SRGAP2: variants seen among roughly 807,000 people sequenced by gnomAD.
SRGAP2 encodes the protein SLIT-ROBO Rho GTPase-activating protein 2.
A neutral mutation model predicts 57.2 loss-of-function variants in SRGAP2; 15 were observed. That is an observed-to-expected ratio of 0.26 (90% CI 0.18 to 0.40). The LOEUF is 0.40. Ranked by LOEUF, SRGAP2 falls within the 10% of genes least tolerant of loss-of-function variation. SRGAP2 has a pLI of 1.00. For missense variants in SRGAP2, 520 were observed against 669.6 expected, an observed-to-expected ratio of 0.78 and a Z score of 2.47; for synonymous variants, 249 against 248.0, an observed-to-expected ratio of 1.00 and a Z score of -0.04.
chr1:206,375,996 A>G (rs1164423514), intron 4 of SRGAP2, among the ~76,000 whole-genome samples: 7 of 149,654 alleles, frequency 4.7e-5, no homozygotes, highest in African/African-American at 1.7e-4. Flanking sequence ...CCAGAACTTG[A>G]TGGGTGGTTT....
intron 2 of SRGAP2, among the ~76,000 whole-genome samples, chr1:206,217,491 T>G (rs1294981931): frequency 1.3e-5 from 2 of 152,052 alleles, no homozygotes; most frequent in Middle Eastern, 3.2e-3. Context: ...ATCCCTAGTT[T>G]CCCTATAAAA....
At chr1:206,354,233 G>A (rs1426419254) in intron 4 of SRGAP2, among the ~76,000 whole-genome samples, 5 of 151,994 alleles carry the variant, frequency 3.3e-5, no homozygotes, top group Admixed American at 6.6e-5. Flanking sequence ...AGAAACTCTA[G>A]GTGTACTTAT....
chr1:206,401,251 T>A (rs562482316), intron 7 of SRGAP2, among the ~76,000 whole-genome samples, 170 bp from the exon 8 acceptor site: 18 of 152,002 alleles, frequency 1.2e-4, no homozygotes, highest in Non-Finnish European at 2.4e-4. Context: ...GAATTGGGAG[T>A]CAAGAACTGA....
At chr1:206,210,620 A>G (rs1558220455) in intron 2 of SRGAP2, among the ~76,000 whole-genome samples, 1 of 150,032 alleles carries the variant, frequency 6.7e-6, no homozygotes, top group African/African-American at 2.5e-5. Context: ...ATACTTGGGA[A>G]TGTTGATGGC....
At position 206,426,135 on chromosome 1, in the gene SRGAP2, A is replaced by C. The variant is rs549287501; in HGVS notation, c.1495-4027A>C. Among the ~76,000 whole-genome samples, 10 of 151,866 alleles carry C rather than the reference A, an allele frequency of 6.6e-5. No homozygotes were observed. The East Asian group carries it at 1.9e-3, about 29-fold the overall frequency. ...ACTTCTTGACCCCTCACTCCCCGCT[A>C]CCCTTCCCAGTCTCCAGAAACCGTC... On this transcript the variant is annotated intron_variant, in intron 13 of 22. Coordinates refer to ENST00000573034, the MANE Select transcript of SRGAP2 (RefSeq NM_015326.5).
intron 3 of SRGAP2, among the ~76,000 whole-genome samples, chr1:206,319,208 G>A (rs1402188169): frequency 1.4e-5 from 2 of 147,888 alleles, no homozygotes; most frequent in African/African-American, 5.3e-5. Context: ...TCAGGAGATC[G>A]AGACCATCCT....
In SRGAP2 at chr1:206,281,980, T is replaced by C. The variant is rs1209569224; in HGVS notation, c.68-21301T>C. On this transcript the variant is annotated intron_variant, in intron 2 of 22. Transcript: ENST00000573034. ...GTAACACTTTGCTTTTACATTCTCATTGATTTTTAAAATTACTAATAACTT... is the reference window on the plus strand; with the variant it reads ...GTAACACTTTGCTTTTACATTCTCACTGATTTTTAAAATTACTAATAACTT... Among the ~76,000 whole-genome samples the C allele has an allele frequency of 6.0e-5, 9 of 149,924 alleles. No homozygotes were observed. The East Asian group carries it at 9.7e-4, about 16-fold the overall frequency.
chr1:206,239,485 T>C (rs1318623654), intron 2 of SRGAP2, among the ~76,000 whole-genome samples: 1 of 151,878 alleles, frequency 6.6e-6, no homozygotes, highest in Non-Finnish European at 1.5e-5. Flanking sequence ...TGAGACAGAG[T>C]CTTCCTCTGT....
Position 206,309,264 on chromosome 1 carries a change from A to G in SRGAP2, c.260+5791A>G, listed in dbSNP as rs1398078558. 4.0e-5 allele frequency among the ~76,000 whole-genome samples: 6 copies of G among 151,440 alleles called. No homozygotes were observed. The East Asian group carries it at 7.7e-4, about 19-fold the overall frequency. ...TTAGTAGAGATATGAGAACACAGCT[A>G]TTTTCAAGAGCAGTGGAAAATAAGG... On this transcript the variant is annotated intron_variant, in intron 3 of 22. Coordinates refer to ENST00000573034, the MANE Select transcript of SRGAP2 (RefSeq NM_015326.5).
At chr1:206,313,146 A>T (rs1553324839) in intron 3 of SRGAP2, among the ~76,000 whole-genome samples, 1 of 140,684 alleles carries the variant, frequency 7.1e-6, no homozygotes. Context: ...TTTATAACCC[A>T]CTGTCAGTAT....
At chr1:206,378,534 A>G (rs1655419108) in intron 4 of SRGAP2, among the ~76,000 whole-genome samples, 1 of 152,248 alleles carries the variant, frequency 6.6e-6, no homozygotes, top group Non-Finnish European at 1.5e-5. Flanking sequence ...AGGAAATATC[A>G]TAGTGGACAG....
intron 16 of SRGAP2, among the ~76,000 whole-genome samples, chr1:206,438,454 C>T (rs1434303961): frequency 2.0e-5 from 3 of 152,026 alleles, no homozygotes; most frequent in Admixed American, 6.6e-5. Context: ...AAAGCATAAG[C>T]GTTGCAAATA....
chr1:206,426,004 G>A, intron 13 of SRGAP2, among the ~76,000 whole-genome samples: 1 of 151,876 alleles, frequency 6.6e-6, no homozygotes, highest in Non-Finnish European at 1.5e-5. Flanking sequence ...CTGCTGCCAT[G>A]CCCAGCTAAT....
chr1:206,224,375 T>C (rs548729588), intron 2 of SRGAP2, among the ~76,000 whole-genome samples: 60 of 147,104 alleles, frequency 4.1e-4, no homozygotes, highest in Non-Finnish European at 7.5e-4. Flanking sequence ...TCTGTGATCA[T>C]AGAAACCATG....
chr1:206,230,107 C>G (rs1160130125), intron 2 of SRGAP2, among the ~76,000 whole-genome samples: 2 of 152,190 alleles, frequency 1.3e-5, no homozygotes, highest in African/African-American at 4.8e-5. Flanking sequence ...CTATTTGTCC[C>G]TTCGTAAACT....
intron 5 of SRGAP2, among the ~76,000 whole-genome samples, chr1:206,392,224 A>G (rs1657046872): frequency 7.3e-6 from 1 of 137,256 alleles, no homozygotes; most frequent in African/African-American, 2.7e-5. Context: ...TCCCTATTTT[A>G]TATCTGAAAG....
At chr1:206,208,896 T>A (rs1402816376) in intron 2 of SRGAP2, among the ~76,000 whole-genome samples, 2 of 152,116 alleles carry the variant, frequency 1.3e-5, no homozygotes, top group Non-Finnish European at 2.9e-5. Context: ...AGCCTTTCAC[T>A]TCAGGCAAGT....
chr1:206,459,378 T>C (rs1553379715), intron 22 of SRGAP2, among the ~76,000 whole-genome samples: 2 of 152,172 alleles, frequency 1.3e-5, no homozygotes, highest in African/African-American at 4.8e-5. Context: ...AAGGCTAGTC[T>C]CTGGTACCGA....
chr1:206,411,612 A>G (rs1003285589), intron 10 of SRGAP2, among the ~76,000 whole-genome samples: 2 of 152,226 alleles, frequency 1.3e-5, no homozygotes, highest in African/African-American at 4.8e-5. Context: ...ATCTCTGAGC[A>G]TGGGCTGGGT....
Sources: gnomAD v4.1 joint callset for allele counts (sites outside exome capture counted in the v4.1 genomes callset) on GRCh38, gnomAD v4.1.1 for gene constraint, MANE v1.5 for transcripts, NCBI Gene and HGNC (gene_info 2026-07-23, HGNC 2026-07-21) for gene names.